The following LRMDA variants were observed in gnomAD, a reference collection of about 807,000 sequenced individuals.
The protein encoded by LRMDA is leucine-rich melanocyte differentiation-associated protein.
Under a neutral mutation model 29.8 loss-of-function variants are expected in LRMDA, and 18 were observed. That is an observed-to-expected ratio of 0.60 (90% confidence interval 0.42 to 0.90). The LOEUF is 0.90. LRMDA is among the 40% of genes least tolerant of loss of function. The pLI is 0.00. For missense variants in LRMDA, 273 were observed against 273.9 expected (o/e 1.00, Z 0.02); for synonymous variants, 125 against 109.4 (o/e 1.14, Z -0.89).
At chr10:76,101,596 C>T (rs1055412655) in intron 5 of LRMDA, among the ~76,000 whole-genome samples, 9 of 152,038 alleles carry the variant, frequency 5.9e-5, no homozygotes, top group Non-Finnish European at 1.2e-4. Flanking sequence ...ATTAGCCAGG[C>T]GTGGTGCCAC....
intron 5 of LRMDA, among the ~76,000 whole-genome samples, chr10:76,155,677 C>G (rs932091330): frequency 1.3e-5 from 2 of 152,130 alleles, no homozygotes; most frequent in Non-Finnish European, 2.9e-5. Context: ...TACTAGACAG[C>G]TGCCCTAGAG....
chr10:76,470,265 C>T (rs1842604707), intron 6 of LRMDA: 1 of 151,976 alleles, frequency 6.6e-6, no homozygotes, highest in Non-Finnish European at 1.5e-5. Context: ...CAAAAAGCAC[C>T]AGTAAAGGTA....
intron 2 of LRMDA, among the ~76,000 whole-genome samples, chr10:75,496,869 G>T (rs1335952317): frequency 6.6e-6 from 1 of 151,932 alleles, no homozygotes; most frequent in African/African-American, 2.4e-5. Context: ...TACATGAGGG[G>T]TCTATACACA....
At chr10:76,240,554 A>G (rs1424569025) in intron 5 of LRMDA, among the ~76,000 whole-genome samples, 3 of 149,868 alleles carry the variant, frequency 2.0e-5, no homozygotes, top group East Asian at 1.9e-4. Context: ...TACAACCACT[A>G]TGGAAAACTG....
At chr10:75,510,052 A>G (rs924843983) in intron 2 of LRMDA, among the ~76,000 whole-genome samples, 3 of 152,242 alleles carry the variant, frequency 2.0e-5, no homozygotes, top group African/African-American at 4.8e-5. Flanking sequence ...GAGGCAATCA[A>G]TAAATGTTTG....
intron 2 of LRMDA, among the ~76,000 whole-genome samples, chr10:75,636,566 GTAT>G (rs1241302717): frequency 2.8e-4 from 42 of 151,894 alleles, no homozygotes; most frequent in African/African-American, 9.9e-4. Context: ...TTCATGAGAT[GTAT>G]TATTTATAAA....
chr10:75,770,397 A>G (rs879733706), intron 2 of LRMDA, among the ~76,000 whole-genome samples: 1 of 152,258 alleles, frequency 6.6e-6, no homozygotes, highest in Non-Finnish European at 1.5e-5. Flanking sequence ...CTGCATACTT[A>G]AAAGTGGTTA....
chr10:76,123,340 A>G (rs1452957084), intron 5 of LRMDA, among the ~76,000 whole-genome samples: 4 of 73,326 alleles, frequency 5.5e-5, no homozygotes, highest in Admixed American at 5.1e-4. Flanking sequence ...CTTTATTTCT[A>G]CCAAAAAAAA....
intron 2 of LRMDA, among the ~76,000 whole-genome samples, chr10:75,533,825 CAATT>C (rs2132044680): frequency 6.6e-6 from 1 of 152,236 alleles, no homozygotes; most frequent in South Asian, 2.1e-4. Context: ...GAGAGAGTAA[CAATT>C]AATTGCACCT....
At chr10:75,756,346 G>T (rs1589189462) in intron 2 of LRMDA, among the ~76,000 whole-genome samples, 1 of 152,176 alleles carries the variant, frequency 6.6e-6, no homozygotes, top group East Asian at 1.9e-4. Context: ...GCCTGGAACT[G>T]GTTGTGATGG....
At chr10:75,838,717 G>A (rs1250242416) in intron 2 of LRMDA, among the ~76,000 whole-genome samples, 2 of 152,206 alleles carry the variant, frequency 1.3e-5, no homozygotes, top group Non-Finnish European at 2.9e-5. Context: ...GCATTTATTT[G>A]TTTCCTACAT....
At chr10:76,168,176 G>T (rs1850774638) in intron 5 of LRMDA, among the ~76,000 whole-genome samples, 2 of 152,100 alleles carry the variant, frequency 1.3e-5, no homozygotes, top group Admixed American at 1.3e-4. Context: ...CTCTTCCATA[G>T]AACTTTTGCT....
chr10:76,538,500 G>GTA (rs747983445), intron 6 of LRMDA, among the ~76,000 whole-genome samples: 24 of 138,548 alleles, frequency 1.7e-4, no homozygotes, highest in East Asian at 4.0e-4. Flanking sequence ...AGTTATATAT[G>GTA]TATATATATA....
At chr10:76,149,835 T>A (rs566717413) in intron 5 of LRMDA, among the ~76,000 whole-genome samples, 81 of 152,306 alleles carry the variant, frequency 5.3e-4, no homozygotes, top group Non-Finnish European at 1.1e-3. Flanking sequence ...ATCACCTAAA[T>A]CTTCCACAGG....
chr10:75,905,734 C>T (rs1014982451), intron 2 of LRMDA, among the ~76,000 whole-genome samples: 5 of 152,214 alleles, frequency 3.3e-5, no homozygotes, highest in East Asian at 3.9e-4. Flanking sequence ...TCTCTGCTTT[C>T]GTTAACCTGG....
At chr10:75,442,992 G>T (rs1166410149) in intron 2 of LRMDA, among the ~76,000 whole-genome samples, 2 of 151,898 alleles carry the variant, frequency 1.3e-5, no homozygotes, top group African/African-American at 4.8e-5. Flanking sequence ...TTGTAAATGG[G>T]ATTAAGTTTT....
In LRMDA at chr10:76,370,237, G is replaced by A; in HGVS notation, c.601+45752G>A. Among the ~76,000 whole-genome samples, 2 of 151,684 alleles carry A rather than the reference G, an allele frequency of 1.3e-5. 1 individual carries two copies. Among genetic ancestry groups the A allele is most frequent in the Non-Finnish European group, 2.9e-5 (2 of 67,928 alleles). On this transcript the variant is annotated intron_variant, in intron 6 of 6. Coordinates refer to ENST00000611255, the MANE Select transcript of LRMDA (RefSeq NM_001305581.2). ...ACCCTCCCCCTAAAATTATATAAGG[G>A]TAAAAAAAAACAAAACAAACAAACA...
chr10:75,525,886 G>A (rs757405179), intron 2 of LRMDA, among the ~76,000 whole-genome samples: 6 of 151,400 alleles, frequency 4.0e-5, no homozygotes, highest in Admixed American at 6.6e-5. Context: ...TACTGTCTGA[G>A]CCATTCTGAC....
intron 2 of LRMDA, among the ~76,000 whole-genome samples, chr10:76,026,818 A>C (rs1848070830): frequency 6.6e-6 from 1 of 152,206 alleles, no homozygotes; most frequent in East Asian, 1.9e-4. Flanking sequence ...ATAGAATATT[A>C]GAAGCCATCG....
Sources: gnomAD v4.1 joint callset for allele counts (sites outside exome capture counted in the v4.1 genomes callset) on GRCh38, gnomAD v4.1.1 for gene constraint, MANE v1.5 for transcripts, NCBI Gene and HGNC (gene_info 2026-07-23, HGNC 2026-07-21) for gene names.